The following EYA1 variants were observed in gnomAD, a reference collection of about 807,000 sequenced individuals.
EYA1 encodes the protein EYA transcriptional coactivator and phosphatase 1, also known as protein phosphatase EYA1.
Under a neutral mutation model 82.0 loss-of-function variants are expected in EYA1, and 16 were observed. The ratio of observed to expected loss-of-function variants is 0.20; its 90% CI spans 0.13 to 0.30. EYA1 has a LOEUF of 0.30. Among genes scored for constraint, EYA1 ranks in the 10% least tolerant of loss-of-function variants. The pLI, the probability that EYA1 is intolerant of heterozygous loss-of-function variation, is 1.00. For synonymous variants in EYA1, 261 were observed against 264.4 expected (o/e 0.99, Z 0.12); for missense variants, 633 against 730.7 (o/e 0.87, Z 1.54).
Position 71,197,505 on chromosome 8 carries a change from T to C in EYA1, c.*1835A>G, listed in dbSNP as rs1289096719. The C allele has an allele frequency of 6.6e-6, 1 of 152,568 alleles. No homozygotes were observed. The highest frequency in any genetic ancestry group is 1.5e-5 in the Non-Finnish European group (1 of 68,038). The allele number at this position is 152,568 out of a possible 1,614,324, so 9.5% of individuals were successfully genotyped here. Reference sequence around the variant, plus strand: ...TGAAGAAAAATTCTGTACACAACGGTGGACACAGCACACCTTTATACAGTA... The same window carrying C: ...TGAAGAAAAATTCTGTACACAACGGCGGACACAGCACACCTTTATACAGTA... On this transcript the variant is annotated 3_prime_UTR_variant, in exon 18 of 18. Coordinates refer to ENST00000340726, the MANE Select transcript of EYA1 (RefSeq NM_000503.6).
intron 2 of EYA1, among the ~76,000 whole-genome samples, chr8:71,533,613 T>G (rs16937640): frequency 0.011 from 1,618 of 152,258 alleles, 32 homozygotes; most frequent in African/African-American, 0.036. Flanking sequence ...TGAGTTACCT[T>G]AATGTTTTTA....
chr8:71,527,856 T>C (rs547461454), intron 2 of EYA1, among the ~76,000 whole-genome samples: 84 of 152,300 alleles, frequency 5.5e-4, no homozygotes, highest in Admixed American at 9.8e-4. Context: ...AAGCCTATAA[T>C]ATTTCCTATC....
intron 2 of EYA1, among the ~76,000 whole-genome samples, chr8:71,420,176 A>T (rs1282165296): frequency 6.6e-6 from 1 of 152,224 alleles, no homozygotes; most frequent in East Asian, 1.9e-4. Context: ...TAATTTAATT[A>T]AATGAAAGCC....
intron 3 of EYA1, among the ~76,000 whole-genome samples, chr8:71,351,881 T>C (rs1287760908): frequency 6.6e-6 from 1 of 152,162 alleles, no homozygotes; most frequent in Non-Finnish European, 1.5e-5. Flanking sequence ...AAAAAATAAC[T>C]CTGAGTGAAA....
chr8:71,254,852 CCA>C (rs781714779), intron 11 of EYA1, among the ~76,000 whole-genome samples: 11 of 149,880 alleles, frequency 7.3e-5, no homozygotes, highest in Admixed American at 2.0e-4. Context: ...CCGCCCCCCA[CCA>C]CACACACAGA....
chr8:71,523,816 T>C (rs1220570087), intron 2 of EYA1, among the ~76,000 whole-genome samples: 1 of 152,182 alleles, frequency 6.6e-6, no homozygotes, highest in Non-Finnish European at 1.5e-5. Context: ...GTAAGAAACA[T>C]GTATATCAAT....
At chr8:71,339,544 C>G (rs913016246) in intron 3 of EYA1, among the ~76,000 whole-genome samples, 4 of 152,108 alleles carry the variant, frequency 2.6e-5, no homozygotes, top group African/African-American at 7.2e-5. Flanking sequence ...ATACCTCATC[C>G]CTCACCATCT....
intron 2 of EYA1, among the ~76,000 whole-genome samples, chr8:71,527,800 T>C (rs1057399920): frequency 6.6e-6 from 1 of 152,198 alleles, no homozygotes; most frequent in African/African-American, 2.4e-5. Context: ...TTTCATGCCA[T>C]GTCTGCAGAG....
At chr8:71,444,129 C>T (rs1342667078) in intron 2 of EYA1, among the ~76,000 whole-genome samples, 5 of 152,176 alleles carry the variant, frequency 3.3e-5, no homozygotes, top group Non-Finnish European at 5.9e-5. Flanking sequence ...CCCACCTATG[C>T]ACAGATAACC....
At chr8:71,370,643 G>A (rs558036490) in intron 2 of EYA1, among the ~76,000 whole-genome samples, 2 of 151,920 alleles carry the variant, frequency 1.3e-5, no homozygotes, top group East Asian at 3.9e-4. Context: ...TAATTTAGAG[G>A]CAGGGTCTCA....
chr8:71,445,934 T>A (rs188565353), intron 2 of EYA1, among the ~76,000 whole-genome samples: 1 of 152,208 alleles, frequency 6.6e-6, no homozygotes, highest in Non-Finnish European at 1.5e-5. Context: ...TCTACTCTTA[T>A]TTGGCTCACT....
upstream of EYA1, among the ~76,000 whole-genome samples, chr8:71,363,233 T>C (rs1322770063): frequency 6.6e-6 from 1 of 152,166 alleles, no homozygotes; most frequent in Non-Finnish European, 1.5e-5. Flanking sequence ...GACTTTATAA[T>C]ACATTTCCAG....
At chr8:71,484,274 G>A (rs556649660) in intron 2 of EYA1, among the ~76,000 whole-genome samples, 1 of 152,184 alleles carries the variant, frequency 6.6e-6, no homozygotes, top group Non-Finnish European at 1.5e-5. Context: ...AACAAGAGAA[G>A]CAGAACATTG....
At chr8:71,290,915 T>C (rs1818926991) in intron 9 of EYA1, among the ~76,000 whole-genome samples, 1 of 152,230 alleles carries the variant, frequency 6.6e-6, no homozygotes, top group South Asian at 2.1e-4. Context: ...CTATTTCAGA[T>C]ACAAATATTT....
chr8:71,276,698 A>G (rs949664012), intron 9 of EYA1, among the ~76,000 whole-genome samples: 7 of 152,168 alleles, frequency 4.6e-5, no homozygotes, highest in African/African-American at 1.7e-4. Context: ...TATTTTCTGC[A>G]CTGCCATCAC....
At chr8:71,462,901 C>T (rs1236761437) in intron 2 of EYA1, among the ~76,000 whole-genome samples, 2 of 152,114 alleles carry the variant, frequency 1.3e-5, no homozygotes, top group African/African-American at 2.4e-5. Flanking sequence ...CTGCAGCCAG[C>T]GTGATGGCAG....
chr8:71,314,990 T>C (rs74304815), intron 7 of EYA1, among the ~76,000 whole-genome samples: 3 of 71,380 alleles, frequency 4.2e-5, no homozygotes, highest in Non-Finnish European at 8.7e-5. Context: ...TCATTTCCCC[T>C]TTTTTATGCA....
At chr8:71,452,515 C>A (rs544934458) in intron 2 of EYA1, among the ~76,000 whole-genome samples, 1 of 152,166 alleles carries the variant, frequency 6.6e-6, no homozygotes, top group South Asian at 2.1e-4. Flanking sequence ...TGGGAGGCAC[C>A]CCCCAGTAGG....
At chr8:71,469,535 A>G (rs1206371049) in intron 2 of EYA1, among the ~76,000 whole-genome samples, 1 of 152,140 alleles carries the variant, frequency 6.6e-6, no homozygotes, top group Admixed American at 6.6e-5. Flanking sequence ...GCCTTAGAAG[A>G]TGACACTGAA....
Sources: gnomAD v4.1 joint callset for allele counts (sites outside exome capture counted in the v4.1 genomes callset) on GRCh38, gnomAD v4.1.1 for gene constraint, MANE v1.5 for transcripts, NCBI Gene and HGNC (gene_info 2026-07-23, HGNC 2026-07-21) for gene names.